Variants in CNTNAP2 observed in about 807,000 individuals in gnomAD.
The protein encoded by CNTNAP2 is contactin associated protein 2, also known as contactin-associated protein-like 2.
In CNTNAP2, 98 loss-of-function variants were observed where a neutral mutation model predicts 155.2. The observed-to-expected ratio is 0.63, with a 90% CI of 0.54 to 0.75. The LOEUF (loss-of-function observed/expected upper bound fraction) is 0.75, where lower values mean the gene tolerates loss of function less well. Among genes scored for constraint, CNTNAP2 ranks in the 30% least tolerant of loss-of-function variants. The probability of loss-of-function intolerance (pLI) is 0.00; values close to 1 mark genes in which losing one functional copy is unlikely to be tolerated. For synonymous variants in CNTNAP2, 651 were observed against 631.2 expected, an observed-to-expected ratio of 1.03 and a Z score of -0.47; for missense variants, 1,727 against 1,688.1, an observed-to-expected ratio of 1.02 and a Z score of -0.40.
intron 9 of CNTNAP2, among the ~76,000 whole-genome samples, chr7:147,328,448 T>C (rs946812665): frequency 6.6e-6 from 1 of 152,204 alleles, no homozygotes; most frequent in African/African-American, 2.4e-5. Context: ...TCTCCACTAC[T>C]GTAGTCACAA....
intron 2 of CNTNAP2, among the ~76,000 whole-genome samples, chr7:146,824,835 T>C (rs1289130786): frequency 3.3e-5 from 5 of 149,814 alleles, no homozygotes; most frequent in Non-Finnish European, 7.4e-5. Flanking sequence ...ATTGTCCTTA[T>C]TAAGGTGTAC....
chr7:148,220,687 AT>A (rs1238863181), intron 19 of CNTNAP2, among the ~76,000 whole-genome samples: 3 of 151,352 alleles, frequency 2.0e-5, no homozygotes, highest in Admixed American at 6.6e-5. Flanking sequence ...ATTGTGGATG[AT>A]TTTTTTTTCT....
intron 15 of CNTNAP2, among the ~76,000 whole-genome samples, chr7:148,117,789 A>G (rs919440569): frequency 3.3e-5 from 5 of 151,252 alleles, no homozygotes; most frequent in Non-Finnish European, 5.9e-5. Context: ...TTGTTATATA[A>G]TTATAAAATA....
intron 1 of CNTNAP2, among the ~76,000 whole-genome samples, chr7:146,697,417 T>C (rs977218787): frequency 8.5e-5 from 13 of 152,054 alleles, no homozygotes; most frequent in African/African-American, 3.1e-4. Flanking sequence ...TTTGTGTTTT[T>C]TGCTAGAGAC....
intron 1 of CNTNAP2, among the ~76,000 whole-genome samples, chr7:146,656,638 C>CT (rs1412524342): frequency 1.3e-5 from 2 of 152,166 alleles, no homozygotes; most frequent in East Asian, 3.9e-4. Context: ...ACAAAAGCAG[C>CT]TGTTGTTAAA....
chr7:146,686,380 G>T (rs972937708), intron 1 of CNTNAP2, among the ~76,000 whole-genome samples: 16 of 152,138 alleles, frequency 1.1e-4, no homozygotes, highest in Non-Finnish European at 2.2e-4. Flanking sequence ...TGCGTGTGCA[G>T]AATGCAACAT....
At chr7:147,699,456 G>A (rs1290317135) in intron 13 of CNTNAP2, among the ~76,000 whole-genome samples, 1 of 151,926 alleles carries the variant, frequency 6.6e-6, no homozygotes, top group Non-Finnish European at 1.5e-5. Flanking sequence ...GTCGTGGGGT[G>A]GGGGGCAAGG....
chr7:146,809,726 A>G (rs1400054848), intron 2 of CNTNAP2, among the ~76,000 whole-genome samples: 3 of 152,094 alleles, frequency 2.0e-5, no homozygotes, highest in African/African-American at 7.2e-5. Context: ...ATTGTTTTGT[A>G]ATTGAGTTCC....
intron 13 of CNTNAP2, among the ~76,000 whole-genome samples, chr7:147,733,579 G>T (rs1315375893): frequency 6.6e-6 from 1 of 152,124 alleles, no homozygotes; most frequent in East Asian, 1.9e-4. Flanking sequence ...GCTTGATGGG[G>T]ATGGCATTGA....
intron 1 of CNTNAP2, among the ~76,000 whole-genome samples, chr7:146,222,546 G>C (rs1358578775): frequency 4.5e-5 from 1 of 22,408 alleles, no homozygotes; most frequent in Non-Finnish European, 1.7e-4. Context: ...AGCATAGTGT[G>C]TGTGTGTGTG....
At chr7:146,480,674 ATTT>A (rs760942394) in intron 1 of CNTNAP2, among the ~76,000 whole-genome samples, 3,634 of 137,420 alleles carry the variant, frequency 0.026, 52 homozygotes, top group African/African-American at 0.052. Flanking sequence ...ATATATATAT[ATTT>A]TTTTTTTTCC....
At chr7:147,499,246 C>T (rs1488778546) in intron 11 of CNTNAP2, among the ~76,000 whole-genome samples, 1 of 151,924 alleles carries the variant, frequency 6.6e-6, no homozygotes, top group East Asian at 1.9e-4. Flanking sequence ...AAATACTTAC[C>T]AGCCAGGCAT....
intron 2 of CNTNAP2, among the ~76,000 whole-genome samples, chr7:146,795,685 G>A (rs1190000737): frequency 6.6e-6 from 1 of 152,168 alleles, no homozygotes; most frequent in Admixed American, 6.5e-5. Context: ...GGCAAGATGG[G>A]TTCTGGCAGC....
At chr7:146,360,729 G>T (rs1795070026) in intron 1 of CNTNAP2, among the ~76,000 whole-genome samples, 1 of 152,138 alleles carries the variant, frequency 6.6e-6, no homozygotes, top group Non-Finnish European at 1.5e-5. Context: ...GTATTCTGGG[G>T]CTTAAATTTT....
At chr7:147,907,916 C>A (rs913890660) in intron 14 of CNTNAP2, among the ~76,000 whole-genome samples, 2 of 151,462 alleles carry the variant, frequency 1.3e-5, no homozygotes, top group African/African-American at 4.8e-5. Context: ...ATTACAGGCA[C>A]GCATCACCAT....
intron 3 of CNTNAP2, among the ~76,000 whole-genome samples, chr7:146,966,578 G>T (rs560780687): frequency 6.6e-6 from 1 of 152,130 alleles, no homozygotes; most frequent in Non-Finnish European, 1.5e-5. Flanking sequence ...ACTATTGAGG[G>T]TTTCATCCCC....
At chr7:147,487,192 T>C (rs181662673) in intron 11 of CNTNAP2, among the ~76,000 whole-genome samples, 128 of 152,252 alleles carry the variant, frequency 8.4e-4, no homozygotes, top group African/African-American at 2.9e-3. Context: ...GTTGCACACA[T>C]TTATTTGTTT....
At chr7:148,179,643 AAG>A (rs899297198) in intron 18 of CNTNAP2, among the ~76,000 whole-genome samples, 2 of 142,944 alleles carry the variant, frequency 1.4e-5, no homozygotes, top group African/African-American at 5.3e-5. Context: ...GAAAGAGAGA[AAG>A]AGTGAGAAAG....
At chr7:146,167,225 G>A (rs1239464240) in intron 1 of CNTNAP2, among the ~76,000 whole-genome samples, 1 of 152,188 alleles carries the variant, frequency 6.6e-6, no homozygotes, top group Non-Finnish European at 1.5e-5. Context: ...GCTCTAGTAT[G>A]AATTACTTAT....
Sources: gnomAD v4.1 joint callset for allele counts (sites outside exome capture counted in the v4.1 genomes callset) on GRCh38, gnomAD v4.1.1 for gene constraint, MANE v1.5 for transcripts, NCBI Gene and HGNC (gene_info 2026-07-23, HGNC 2026-07-21) for gene names.